Variants in TSPAN7 observed in about 807,000 individuals in gnomAD.
TSPAN7 encodes the protein tetraspanin 7.
TSPAN7 carries 1 observed loss-of-function variant against 17.6 expected under a neutral mutation model. The observed-to-expected ratio is 0.06, with a 90% confidence interval of 0.02 to 0.27. TSPAN7 has a LOEUF of 0.27. Ranked by LOEUF, TSPAN7 falls within the 10% of genes least tolerant of loss-of-function variation. The pLI is 1.00. For missense variants in TSPAN7, 112 were observed against 201.7 expected, an observed-to-expected ratio of 0.56 and a Z score of 2.69; for synonymous variants, 78 against 79.0, an observed-to-expected ratio of 0.99 and a Z score of 0.07.
intron 1 of TSPAN7, among the ~76,000 whole-genome samples, chrX:38,656,470 C>A (rs1306198853): frequency 9.0e-6 from 1 of 111,714 alleles, no homozygotes; most frequent in African/African-American, 3.3e-5. Context: ...GGTTGGCTAT[C>A]TGCTAATGGC....
chrX:38,577,583 A>T (rs1003132569), intron 1 of TSPAN7, among the ~76,000 whole-genome samples: 2 of 99,608 alleles, frequency 2.0e-5, no homozygotes, highest in Non-Finnish European at 4.0e-5. Context: ...CAAACACCGC[A>T]TGCTCTCACT....
chrX:38,603,175 T>C (rs2069355789), intron 1 of TSPAN7, among the ~76,000 whole-genome samples: 1 of 111,960 alleles, frequency 8.9e-6, no homozygotes, highest in African/African-American at 3.2e-5. Context: ...GAAAAACGCA[T>C]GATATTAACC....
chrX:38,626,532 C>T (rs1260015810), intron 1 of TSPAN7, among the ~76,000 whole-genome samples: 3 of 111,265 alleles, frequency 2.7e-5, no homozygotes, highest in Non-Finnish European at 3.8e-5. Context: ...AGATGTTAAC[C>T]GTGCCTCCTG....
At chrX:38,646,716 A>C (rs2069647777) in intron 1 of TSPAN7, among the ~76,000 whole-genome samples, 1 of 112,476 alleles carries the variant, frequency 8.9e-6, no homozygotes, top group Non-Finnish European at 1.9e-5. Flanking sequence ...AATTTCAAAA[A>C]TTGCATTAAG....
intron 1 of TSPAN7, among the ~76,000 whole-genome samples, chrX:38,607,571 A>G (rs1174567679): frequency 1.8e-5 from 2 of 111,593 alleles, no homozygotes; most frequent in Non-Finnish European, 3.8e-5. Context: ...GAGAATCTGC[A>G]ATTCTAACAA....
At chrX:38,649,575 C>A (rs1300251340) in intron 1 of TSPAN7, among the ~76,000 whole-genome samples, 1 of 111,351 alleles carries the variant, frequency 9.0e-6, no homozygotes, top group Admixed American at 9.5e-5. Flanking sequence ...TGTAGGCCCC[C>A]TGGTTAGCCA....
At chrX:38,580,674 C>G (rs1323974107) in intron 1 of TSPAN7, among the ~76,000 whole-genome samples, 2 of 112,076 alleles carry the variant, frequency 1.8e-5, no homozygotes, top group African/African-American at 3.2e-5. Context: ...AAGGATAGTA[C>G]TAAGCACTCC....
intron 2 of TSPAN7, among the ~76,000 whole-genome samples, chrX:38,669,715 A>C (rs1416310357): frequency 8.9e-6 from 1 of 112,355 alleles, no homozygotes; most frequent in Non-Finnish European, 1.9e-5. Flanking sequence ...TTAATTGCAA[A>C]ACAACTGAAA....
chrX:38,687,691 A>T lies in TSPAN7; in HGVS notation c.*7+17A>T. 8.4e-7 allele frequency: 1 copy of T among 1,196,969 alleles called. No individual in the cohort carries two copies. Among genetic ancestry groups the T allele is most frequent in the Non-Finnish European group, 1.1e-6 (1 of 885,418 alleles). On this transcript the variant is annotated intron_variant, in intron 7 of 7. Coordinates refer to ENST00000378482, the MANE Select transcript of TSPAN7 (RefSeq NM_004615.4). Reference sequence around the variant, plus strand: ...AAGGAGAAGGTAGGTGACAGTGGGGAGTGTTTAATTTTGAGGGGTCCCCTT... The same window carrying T: ...AAGGAGAAGGTAGGTGACAGTGGGGTGTGTTTAATTTTGAGGGGTCCCCTT...
intron 1 of TSPAN7, among the ~76,000 whole-genome samples, chrX:38,634,238 C>T (rs17320977): frequency 0.1 from 11,181 of 111,089 alleles, 472 homozygotes; most frequent in East Asian, 0.25. Context: ...CTGAGGTATT[C>T]GAAGATTTGG....
chrX:38,653,779 A>T (rs1016076056), intron 1 of TSPAN7, among the ~76,000 whole-genome samples: 1 of 111,601 alleles, frequency 9.0e-6, no homozygotes, highest in Non-Finnish European at 1.9e-5. Flanking sequence ...TATTTTTTTT[A>T]TTATACTTTA....
chrX:38,652,122 A>G (rs1214737226), intron 1 of TSPAN7, among the ~76,000 whole-genome samples: 6 of 111,942 alleles, frequency 5.4e-5, no homozygotes, highest in Non-Finnish European at 9.4e-5. Context: ...TCAAAATTGT[A>G]TGACCTATCG....
chrX:38,613,627 A>ACCC (rs2069434517), intron 1 of TSPAN7, among the ~76,000 whole-genome samples: 1 of 111,838 alleles, frequency 8.9e-6, no homozygotes, highest in Admixed American at 9.5e-5. Flanking sequence ...TCTAGTGCTT[A>ACCC]GTCTGGGAGC....
intron 1 of TSPAN7, among the ~76,000 whole-genome samples, chrX:38,652,627 C>G (rs949505062): frequency 8.9e-6 from 1 of 112,391 alleles, no homozygotes; most frequent in African/African-American, 3.2e-5. Context: ...GAGTTTCAAA[C>G]AAGTAATGTA....
intron 1 of TSPAN7, among the ~76,000 whole-genome samples, chrX:38,617,726 A>C (rs917520814): frequency 8.9e-6 from 1 of 111,874 alleles, no homozygotes; most frequent in African/African-American, 3.3e-5. Flanking sequence ...TTTGTATGCT[A>C]TTCTCTTTAT....
rs1477378144 is a variant in TSPAN7 at position 38,681,196 on chromosome X, C to T, written c.598-8C>T. The T allele has an allele frequency of 4.1e-6, 5 of 1,204,967 alleles. No individual in the cohort carries two copies. Among genetic ancestry groups the T allele is most frequent in the South Asian group, 3.5e-5 (2 of 56,810 alleles). ...CATGTCTCCAAGACAGTGTCTTTCT[C>T]TTTCCAGGGTTGTTATGATCTGGTA... On this transcript the variant is annotated splice_region_variant and splice_polypyrimidine_tract_variant and intron_variant, in intron 5 of 7. Transcript: ENST00000378482.
intron 1 of TSPAN7, among the ~76,000 whole-genome samples, chrX:38,600,768 A>C (rs1602094303): frequency 8.9e-6 from 1 of 112,229 alleles, no homozygotes; most frequent in African/African-American, 3.2e-5. Context: ...TCCAATAAGC[A>C]GGAAGGCTGC....
intron 4 of TSPAN7, among the ~76,000 whole-genome samples, chrX:38,674,644 G>A (rs1043253333): frequency 3.6e-5 from 4 of 111,643 alleles, no homozygotes; most frequent in Non-Finnish European, 7.5e-5. Flanking sequence ...GTTGGCTCCC[G>A]GAGGCTGGCT....
At chrX:38,623,031 A>G in intron 1 of TSPAN7, 2 of 331,128 alleles carry the variant, frequency 6.0e-6, no homozygotes, top group Non-Finnish European at 1.2e-5. Context: ...TACAACCTAG[A>G]TGGTAGGTCT....
Sources: allele counts gnomAD v4.1 joint callset (sites outside exome capture counted in the v4.1 genomes callset), GRCh38; gene constraint gnomAD v4.1.1; transcripts MANE v1.5; gene names NCBI Gene and HGNC (gene_info 2026-07-23, HGNC 2026-07-21).